GALNT10: variants seen among roughly 807,000 people sequenced by gnomAD.
The protein encoded by GALNT10 is polypeptide N-acetylgalactosaminyltransferase 10.
Under a neutral mutation model 75.0 loss-of-function variants are expected in GALNT10, and 41 were observed. That is an observed-to-expected ratio of 0.55 (90% CI 0.43 to 0.71). The LOEUF (loss-of-function observed/expected upper bound fraction) is 0.71, where lower values mean the gene tolerates loss of function less well. GALNT10 is among the 30% of genes least tolerant of loss of function. The pLI is 0.00. For synonymous variants in GALNT10, 302 were observed against 313.0 expected (o/e 0.96, Z 0.37); for missense variants, 727 against 818.5 (o/e 0.89, Z 1.36).
intron 4 of GALNT10, among the ~76,000 whole-genome samples, chr5:154,356,988 T>C (rs1030443458): frequency 1.3e-5 from 2 of 152,368 alleles, no homozygotes; most frequent in South Asian, 2.1e-4. Context: ...TAGTGAAAAT[T>C]CACAATTAAA....
intron 9 of GALNT10, among the ~76,000 whole-genome samples, chr5:154,411,116 G>A (rs918103302): frequency 2.6e-5 from 4 of 152,156 alleles, no homozygotes; most frequent in African/African-American, 9.7e-5. Context: ...GAGCATAAGA[G>A]TTGGGGCTCT....
At chr5:154,406,669 C>T (rs532947337) in intron 8 of GALNT10, among the ~76,000 whole-genome samples, 32 of 152,154 alleles carry the variant, frequency 2.1e-4, no homozygotes, top group African/African-American at 6.7e-4. Flanking sequence ...TGGTGGTGTG[C>T]GCCTGTAATA....
At position 154,419,966 on chromosome 5, in the gene GALNT10, G is replaced by A. The variant is rs577941037; in HGVS notation, c.*2994G>A. The A allele has an allele frequency of 6.6e-6, 1 of 152,354 alleles. No homozygotes were observed. Among genetic ancestry groups the A allele is most frequent in the South Asian group, 2.1e-4 (1 of 4,826 alleles). The allele number at this position is 152,354 out of a possible 1,614,324, so 9.4% of individuals were successfully genotyped here. A position where few individuals can be genotyped will look rare whatever the true frequency, so the allele number is the denominator to read the frequency against. The stretch of plus-strand genomic sequence containing the variant: ...ATCGTGACCATGTGGCCCACCAGCA[G>A]CCTTTCCAAAGGGGAACTCCAGAGA... On this transcript the variant is annotated 3_prime_UTR_variant, in exon 12 of 12. Transcript: ENST00000297107.
intron 1 of GALNT10, chr5:154,220,355 C>G (rs1752960467): frequency 6.6e-6 from 1 of 152,206 alleles, no homozygotes. Flanking sequence ...TTAATTCAAC[C>G]TGCTCACTGG....
chr5:154,286,755 A>T (rs1263798022), intron 1 of GALNT10, among the ~76,000 whole-genome samples: 1 of 152,158 alleles, frequency 6.6e-6, no homozygotes, highest in Non-Finnish European at 1.5e-5. Context: ...CCTGGTGTTG[A>T]GACAATGGAG....
At chr5:154,404,826 G>C (rs967988297) in intron 8 of GALNT10, among the ~76,000 whole-genome samples, 2 of 152,098 alleles carry the variant, frequency 1.3e-5, no homozygotes, top group South Asian at 4.1e-4. Flanking sequence ...CTCACCCCCT[G>C]TCTACTCTTA....
At chr5:154,338,329 A>G (rs1343188226) in intron 4 of GALNT10, 4 of 514,098 alleles carry the variant, frequency 7.8e-6, no homozygotes, top group Non-Finnish European at 1.4e-5. Flanking sequence ...ATTGCTCAAA[A>G]TGCTCAAAAA....
At chr5:154,337,622 C>A in intron 4 of GALNT10, 1 of 898,586 alleles carries the variant, frequency 1.1e-6, no homozygotes, top group South Asian at 1.3e-5. Context: ...AATTTGAAGA[C>A]TGATAGTTGT....
rs1008693842 is a variant in GALNT10, at chr5:154,396,727, G to A, written c.1057-7377G>A. Among the ~76,000 whole-genome samples the A allele has an allele frequency of 4.6e-5, 7 of 152,298 alleles. No individual in the cohort carries two copies. The South Asian group carries it at 1.2e-3, about 27-fold the overall frequency. On this transcript the variant is annotated intron_variant, in intron 7 of 11. Transcript: ENST00000297107. ...AAACCTAATGTAAAGTAACCATCTC[G>A]CCCTTGTTGGGGAAGTAACTAACTA...
At chr5:154,312,684 C>CA (rs1390135626) in intron 3 of GALNT10, among the ~76,000 whole-genome samples, 1 of 152,052 alleles carries the variant, frequency 6.6e-6, no homozygotes, top group African/African-American at 2.4e-5. Context: ...AAAAGTGTGG[C>CA]AAAAAACATC....
intron 3 of GALNT10, among the ~76,000 whole-genome samples, chr5:154,328,673 C>G (rs1484650785): frequency 2.0e-5 from 3 of 152,164 alleles, no homozygotes; most frequent in Non-Finnish European, 2.9e-5. Context: ...TCCCTCACCC[C>G]CAATCTTCAG....
chr5:154,277,731 G>C (rs1024212640), intron 1 of GALNT10, among the ~76,000 whole-genome samples: 1 of 152,176 alleles, frequency 6.6e-6, no homozygotes, highest in African/African-American at 2.4e-5. Flanking sequence ...TTCTTTGTGA[G>C]TGAAAGACAA....
At chr5:154,400,597 G>A (rs1756142090) in intron 7 of GALNT10, among the ~76,000 whole-genome samples, 1 of 152,154 alleles carries the variant, frequency 6.6e-6, no homozygotes, top group African/African-American at 2.4e-5. Context: ...AACAACAGAT[G>A]CCCATTGCAG....
intron 1 of GALNT10, among the ~76,000 whole-genome samples, chr5:154,278,900 A>G (rs1475196137): frequency 3.9e-5 from 6 of 152,198 alleles, no homozygotes; most frequent in Non-Finnish European, 7.3e-5. Flanking sequence ...TGACTTAATA[A>G]TATTCCATTT....
At chr5:154,356,788 C>T (rs2113150592) in intron 4 of GALNT10, among the ~76,000 whole-genome samples, 1 of 152,210 alleles carries the variant, frequency 6.6e-6, no homozygotes, top group Admixed American at 6.5e-5. Context: ...GAGCTGGGCC[C>T]AGATAAAGAG....
intron 1 of GALNT10, among the ~76,000 whole-genome samples, chr5:154,276,661 T>C (rs116305053): frequency 0.019 from 2,846 of 152,298 alleles, 90 homozygotes; most frequent in African/African-American, 0.066. Flanking sequence ...TGGTTCTTCA[T>C]TACAGATAGT....
At chr5:154,223,951 A>G (rs1172510389) in intron 1 of GALNT10, among the ~76,000 whole-genome samples, 5 of 150,726 alleles carry the variant, frequency 3.3e-5, no homozygotes, top group Non-Finnish European at 5.9e-5. Context: ...AAACAACAAC[A>G]GCAGAACAAT....
rs573070433 is a variant in GALNT10, at chr5:154,261,906, G to T, written c.160-32910G>T. On this transcript the variant is annotated intron_variant, in intron 1 of 11. Transcript: ENST00000297107. ...CCCCAGAATGAATGAATTAACCTCA[G>T]ATCTGTGAGCCTTCCTCTGCAAAAT... is the stretch of plus-strand genomic sequence containing the variant. Among the ~76,000 whole-genome samples the T allele has an allele frequency of 2.6e-5, 4 of 152,254 alleles. No individual in the cohort carries two copies. The South Asian group carries it at 8.3e-4, about 32-fold the overall frequency.
chr5:154,226,518 C>T (rs1227307956), intron 1 of GALNT10, among the ~76,000 whole-genome samples: 1 of 152,152 alleles, frequency 6.6e-6, no homozygotes, highest in Non-Finnish European at 1.5e-5. Flanking sequence ...CTACTGCATT[C>T]TGGTTTCCAT....
Sources: allele counts gnomAD v4.1 joint callset (sites outside exome capture counted in the v4.1 genomes callset), GRCh38; gene constraint gnomAD v4.1.1; transcripts MANE v1.5; gene names NCBI Gene and HGNC (gene_info 2026-07-23, HGNC 2026-07-21).